The following P3H2 variants were observed in gnomAD, a reference collection of about 807,000 sequenced individuals.
P3H2 encodes the protein prolyl 3-hydroxylase 2.
A neutral mutation model predicts 87.0 loss-of-function variants in P3H2; 80 were observed. That is an observed-to-expected ratio of 0.92 (90% CI 0.77 to 1.11). The LOEUF is 1.11. Ranked by LOEUF, P3H2 falls within the 50% of genes least tolerant of loss-of-function variation. The pLI is 0.00. For missense variants in P3H2, 1,001 were observed against 923.9 expected (o/e 1.08, Z -1.08); for synonymous variants, 367 against 359.3 (o/e 1.02, Z -0.24).
chr3:190,071,292 A>G (rs1002010125), intron 1 of P3H2, among the ~76,000 whole-genome samples: 1 of 152,244 alleles, frequency 6.6e-6, no homozygotes, highest in Non-Finnish European at 1.5e-5. Context: ...CACAATAAAC[A>G]GACTTTTCAA....
intron 14 of P3H2, among the ~76,000 whole-genome samples, chr3:189,962,886 C>G (rs1222863686): frequency 6.6e-6 from 1 of 152,144 alleles, no homozygotes; most frequent in Non-Finnish European, 1.5e-5. Flanking sequence ...GGATAGAATG[C>G]CAGTTTTAAG....
intron 1 of P3H2, among the ~76,000 whole-genome samples, chr3:190,003,054 G>A (rs1381091722): frequency 3.3e-5 from 5 of 152,294 alleles, no homozygotes; most frequent in South Asian, 2.1e-4. Context: ...ACTATTTATC[G>A]TTTTCAAAAT....
intron 1 of P3H2, among the ~76,000 whole-genome samples, chr3:190,030,324 C>A (rs1464648153): frequency 2.0e-5 from 3 of 152,108 alleles, no homozygotes; most frequent in African/African-American, 4.8e-5. Context: ...ATAATTCTAG[C>A]AGTTTGGGAA....
At chr3:190,101,041 G>A (rs981566322) in intron 1 of P3H2, among the ~76,000 whole-genome samples, 3 of 151,808 alleles carry the variant, frequency 2.0e-5, no homozygotes, top group African/African-American at 7.3e-5. Context: ...TGTTACTATT[G>A]CAGCTGGTTC....
intron 1 of P3H2, among the ~76,000 whole-genome samples, chr3:190,035,190 G>C (rs987292743): frequency 1.3e-5 from 2 of 151,224 alleles, no homozygotes; most frequent in Non-Finnish European, 2.9e-5. Flanking sequence ...TGGTTTTTTT[G>C]TTTGTAATTG....
rs532718657 is a variant in P3H2, at chr3:190,048,006, A to G, written c.481-52564T>C. On this transcript the variant is annotated intron_variant, in intron 1 of 14. Coordinates refer to ENST00000319332, the MANE Select transcript of P3H2 (RefSeq NM_018192.4). ...TTTATGTATACAGGTCTTTCTTCTG[A>G]TTTCTTGCATTTGAGAGAAGTGGCT... 2.6e-5 allele frequency among the ~76,000 whole-genome samples: 4 copies of G among 152,204 alleles called. No homozygotes were observed. In the South Asian group the frequency reaches 8.3e-4, roughly 32 times the overall value.
chr3:190,069,272 G>A (rs1209656063), intron 1 of P3H2, among the ~76,000 whole-genome samples: 3 of 152,126 alleles, frequency 2.0e-5, no homozygotes, highest in Non-Finnish European at 2.9e-5. Flanking sequence ...TAAGATGTGG[G>A]TTTCCAATAA....
In P3H2 at chr3:189,982,970, TG is replaced by T. The variant is rs567279110; in HGVS notation, c.1324+75del. ...TTTCTAGAGAAAGTGGGTTCTTCCT[TG>T]ATCTGGAAAAGAACTGGTCAAGCCC... On this transcript the variant is annotated intron_variant, in intron 8 of 14. Transcript: ENST00000319332. 148 of 1,103,910 alleles carry T rather than the reference TG, an allele frequency of 1.3e-4. 1 individual carries two copies. In the East Asian group the frequency reaches 3.4e-3, roughly 25 times the overall value. 68.4% of individuals were successfully genotyped at this position (1,103,910 alleles called of 1,614,324 possible). A position where few individuals can be genotyped will look rare whatever the true frequency, so the allele number is the denominator to read the frequency against.
chr3:190,078,066 G>A (rs1362854011), intron 1 of P3H2, among the ~76,000 whole-genome samples: 1 of 152,190 alleles, frequency 6.6e-6, no homozygotes, highest in African/African-American at 2.4e-5. Flanking sequence ...AGAGATGAAA[G>A]TATTGATGGG....
chr3:190,083,014 C>T (rs1430365425), intron 1 of P3H2, among the ~76,000 whole-genome samples: 2 of 152,134 alleles, frequency 1.3e-5, no homozygotes, highest in Non-Finnish European at 2.9e-5. Flanking sequence ...ATCAGGATCC[C>T]ATAATGCAGA....
At chr3:190,103,485 G>A (rs1168772811) in intron 1 of P3H2, among the ~76,000 whole-genome samples, 6 of 152,110 alleles carry the variant, frequency 3.9e-5, no homozygotes, top group Admixed American at 3.9e-4. Flanking sequence ...AACACATTAG[G>A]TAAACCTTTG....
At chr3:190,121,903 C>T (rs1458833571), upstream of P3H2, among the ~76,000 whole-genome samples, 1 of 152,046 alleles carries the variant, frequency 6.6e-6, no homozygotes, top group South Asian at 2.1e-4. Context: ...ACCAGCCTGG[C>T]CACCATGGCA....
chr3:189,986,740 G>A (rs779191993), intron 6 of P3H2, 48 bp downstream of exon 6: 2 of 1,310,664 alleles, frequency 1.5e-6, no homozygotes, highest in African/African-American at 1.5e-5. Flanking sequence ...ACATAAAAAG[G>A]ATTCCACTGA....
In P3H2 at chr3:189,987,312, T is replaced by TA. The variant is rs771677163; in HGVS notation, c.1098+214dup. Among the ~76,000 whole-genome samples the TA allele has an allele frequency of 0.046, 6,822 of 147,574 alleles. 229 individuals carry two copies. Among genetic ancestry groups the TA allele is most frequent in the Admixed American group, 0.076 (1,127 of 14,828 alleles). On this transcript the variant is annotated intron_variant, in intron 5 of 14. Transcript: ENST00000319332. Reference sequence around the variant, plus strand: ...CAACATGGAGAAACCCCGTCTCTACTAAAAAAAAAATACAAAATTAGCCGG... The same window carrying TA: ...CAACATGGAGAAACCCCGTCTCTACTAAAAAAAAAAATACAAAATTAGCCGG...
intron 1 of P3H2, among the ~76,000 whole-genome samples, chr3:190,090,313 G>A (rs1727366481): frequency 1.3e-5 from 2 of 152,222 alleles, no homozygotes; most frequent in East Asian, 1.9e-4. Context: ...AATGCTTACT[G>A]AAAACAAAAT....
At chr3:190,034,483 C>T (rs1393873492) in intron 1 of P3H2, among the ~76,000 whole-genome samples, 1 of 152,166 alleles carries the variant, frequency 6.6e-6, no homozygotes, top group African/African-American at 2.4e-5. Context: ...ATAACATACT[C>T]TCCATGTGAT....
At chr3:190,121,282 A>G (rs1044027965), upstream of P3H2, among the ~76,000 whole-genome samples, 3 of 151,980 alleles carry the variant, frequency 2.0e-5, no homozygotes, top group African/African-American at 7.2e-5. Flanking sequence ...CGTAGATGCC[A>G]TGTGTACCTA....
Position 190,078,989 on chromosome 3 carries a change from C to A in P3H2, c.480+41263G>T, listed in dbSNP as rs149551045. ...GACTCTGGAGTCCACATGCTCCAAT[C>A]CTAGCTCAGTCACTTGCTGGCTATG... On this transcript the variant is annotated intron_variant, in intron 1 of 14. Transcript: ENST00000319332. Among the ~76,000 whole-genome samples, 29 of 152,230 alleles carry A rather than the reference C, an allele frequency of 1.9e-4. No individual in the cohort carries two copies. In the East Asian group the frequency reaches 5.6e-3, roughly 29 times the overall value.
At chr3:190,086,254 T>C (rs1727206958) in intron 1 of P3H2, among the ~76,000 whole-genome samples, 2 of 152,220 alleles carry the variant, frequency 1.3e-5, no homozygotes, top group Admixed American at 1.3e-4. Flanking sequence ...GTCTCTCACT[T>C]GGAGTCTCTT....
Sources: allele counts gnomAD v4.1 joint callset (sites outside exome capture counted in the v4.1 genomes callset), GRCh38; gene constraint gnomAD v4.1.1; transcripts MANE v1.5; gene names NCBI Gene and HGNC (gene_info 2026-07-23, HGNC 2026-07-21).